The following FBXO42 variants were observed in gnomAD, a reference collection of about 807,000 sequenced individuals.
FBXO42 encodes the protein F-box protein 42.
A neutral mutation model predicts 71.7 loss-of-function variants in FBXO42; 12 were observed. The ratio of observed to expected loss-of-function variants is 0.17; its 90% CI spans 0.11 to 0.27. The LOEUF is 0.27. Ranked by LOEUF, FBXO42 falls within the 10% of genes least tolerant of loss-of-function variation. The pLI is 1.00. For missense variants in FBXO42, 707 were observed against 911.9 expected, an observed-to-expected ratio of 0.78 and a Z score of 2.89; for synonymous variants, 325 against 327.5, an observed-to-expected ratio of 0.99 and a Z score of 0.08.
chr1:16,338,662 A>G (rs1284795103), intron 1 of FBXO42, among the ~76,000 whole-genome samples: 2 of 152,118 alleles, frequency 1.3e-5, no homozygotes, highest in Admixed American at 1.3e-4. Context: ...AAAGTACTTT[A>G]CAATCCCACA....
At position 16,284,113 on chromosome 1, in the gene FBXO42, T is replaced by C. The variant is rs76658752; in HGVS notation, c.502+10670A>G. ...TGGGAATTGAACAAAGGCTAAGTCA[T>C]ACAAATCTGATTAAGAATTAAGGTG... On this transcript the variant is annotated intron_variant, in intron 4 of 9. Transcript: ENST00000375592. Among the ~76,000 whole-genome samples the C allele has an allele frequency of 6.0e-3, 912 of 152,322 alleles. 7 individuals are homozygous for C. The highest frequency in any genetic ancestry group is 0.021 in the African/African-American group (874 of 41,574).
At chr1:16,270,779 CACACACACACACAT>C (rs1442113986) in intron 4 of FBXO42, among the ~76,000 whole-genome samples, 14 of 147,852 alleles carry the variant, frequency 9.5e-5, no homozygotes, top group African/African-American at 3.3e-4. Flanking sequence ...CACACACACA[CACACACACACACAT>C]ATAAAATTCC....
chr1:16,333,653 A>G (rs568793899), intron 1 of FBXO42, among the ~76,000 whole-genome samples: 3 of 152,316 alleles, frequency 2.0e-5, no homozygotes, highest in Non-Finnish European at 4.4e-5. Flanking sequence ...GGCTTCCAAT[A>G]AAGTCAAGAC....
chr1:16,337,281 T>C (rs1204092143), intron 1 of FBXO42, among the ~76,000 whole-genome samples: 1 of 152,130 alleles, frequency 6.6e-6, no homozygotes, highest in South Asian at 2.1e-4. Flanking sequence ...TTTGGGGACC[T>C]TGAGTATCAA....
intron 4 of FBXO42, among the ~76,000 whole-genome samples, chr1:16,281,992 G>C (rs1207698293): frequency 6.6e-6 from 1 of 151,996 alleles, no homozygotes; most frequent in Non-Finnish European, 1.5e-5. Context: ...GAGCCACCAT[G>C]CCTGGCCAAA....
At chr1:16,296,049 A>G (rs1490735955) in intron 3 of FBXO42, among the ~76,000 whole-genome samples, 3 of 152,218 alleles carry the variant, frequency 2.0e-5, no homozygotes, top group African/African-American at 7.2e-5. Flanking sequence ...GGCAATGACT[A>G]TCAGAAGGGC....
chr1:16,279,166 A>G (rs1438421331), intron 4 of FBXO42, among the ~76,000 whole-genome samples: 1 of 152,208 alleles, frequency 6.6e-6, no homozygotes, highest in Non-Finnish European at 1.5e-5. Flanking sequence ...GACATGTGAT[A>G]TGACCAATAC....
chr1:16,273,428 A>G (rs930195168), intron 4 of FBXO42, among the ~76,000 whole-genome samples: 1 of 152,144 alleles, frequency 6.6e-6, no homozygotes, highest in African/African-American at 2.4e-5. Context: ...GGAAATGGAG[A>G]GCTCTCTGGG....
At chr1:16,253,436 T>C (rs1308034508) in intron 7 of FBXO42, 199 bp downstream of exon 7, 1 of 600,340 alleles carries the variant, frequency 1.7e-6, no homozygotes, top group Non-Finnish European at 2.9e-6. Flanking sequence ...AGTAAATGCT[T>C]TGGGGAGGAG....
chr1:16,313,990 G>A (rs1289247785), intron 2 of FBXO42, among the ~76,000 whole-genome samples: 2 of 152,170 alleles, frequency 1.3e-5, no homozygotes, highest in African/African-American at 4.8e-5. Flanking sequence ...GTCTTGCTCT[G>A]TCGCCCAGGC....
chr1:16,348,474 G>A (rs998512833), intron 1 of FBXO42, among the ~76,000 whole-genome samples: 3 of 152,040 alleles, frequency 2.0e-5, no homozygotes, highest in African/African-American at 2.4e-5. Context: ...AAAGGTGGGC[G>A]GATCACATGG....
Position 16,324,291 on chromosome 1 carries a change from A to G in FBXO42, c.-17-8856T>C, listed in dbSNP as rs771751580. Among the ~76,000 whole-genome samples, 45 of 152,312 alleles carry G rather than the reference A, an allele frequency of 3.0e-4. No homozygotes were observed. In the Middle Eastern group the frequency reaches 0.017, roughly 58 times the overall value. ...TTAAAAACACAAAAAGAAAAAATAT[A>G]TTATGCTTAGATCCCACACAGGGTA... On this transcript the variant is annotated intron_variant, in intron 1 of 9. Coordinates refer to ENST00000375592, the MANE Select transcript of FBXO42 (RefSeq NM_018994.3).
chr1:16,346,308 A>G (rs2082653809), intron 1 of FBXO42, among the ~76,000 whole-genome samples: 1 of 152,176 alleles, frequency 6.6e-6, no homozygotes, highest in Non-Finnish European at 1.5e-5. Context: ...TAAATAGAAA[A>G]TATTCTAAGG....
Position 16,283,494 on chromosome 1 carries a change from G to GTTTTTTTTTTTTTT in FBXO42, c.502+11275_502+11288dup, listed in dbSNP as rs386366300. On this transcript the variant is annotated intron_variant, in intron 4 of 9. Coordinates refer to ENST00000375592, the MANE Select transcript of FBXO42 (RefSeq NM_018994.3). ...TTATAGACTCTTCTAACTGTGGCAAGTTTTTTTTTTTTTTTTTTTTTTTGA... is the reference window on the plus strand; with the variant it reads ...TTATAGACTCTTCTAACTGTGGCAAGTTTTTTTTTTTTTTTTTTTTTTTTTTTTTTTTTTTTTGA... Among the ~76,000 whole-genome samples, 39 of 80,978 alleles carry GTTTTTTTTTTTTTT rather than the reference G, an allele frequency of 4.8e-4. 1 individual carries two copies. The highest frequency in any genetic ancestry group is 1.2e-3 in the East Asian group (2 of 1,680). 53.1% of individuals were successfully genotyped at this position (80,978 alleles called of 152,430 possible).
chr1:16,267,249 T>C (rs1364248937), intron 4 of FBXO42, among the ~76,000 whole-genome samples: 1 of 152,186 alleles, frequency 6.6e-6, no homozygotes, highest in Non-Finnish European at 1.5e-5. Flanking sequence ...TTACAAGTCA[T>C]TGCATTTATA....
intron 1 of FBXO42, among the ~76,000 whole-genome samples, chr1:16,331,684 G>A (rs1192167722): frequency 6.6e-6 from 1 of 151,668 alleles, no homozygotes; most frequent in Non-Finnish European, 1.5e-5. Context: ...AACTAGGGAG[G>A]CGGAGGTTTC....
chr1:16,344,400 C>G (rs1297936743), intron 1 of FBXO42, among the ~76,000 whole-genome samples: 2 of 150,862 alleles, frequency 1.3e-5, no homozygotes. Context: ...CTCACTGCAA[C>G]CTCGGCCTCC....
At chr1:16,325,391 G>T (rs949244008) in intron 1 of FBXO42, among the ~76,000 whole-genome samples, 4 of 151,950 alleles carry the variant, frequency 2.6e-5, no homozygotes, top group African/African-American at 9.7e-5. Context: ...ATTATTGACA[G>T]TCTATGTTTT....
chr1:16,318,028 T>C (rs2082383486), intron 1 of FBXO42, among the ~76,000 whole-genome samples: 1 of 152,192 alleles, frequency 6.6e-6, no homozygotes, highest in Admixed American at 6.6e-5. Flanking sequence ...TCTGAGGTAC[T>C]AGTAAAGTTC....
Sources: allele counts gnomAD v4.1 joint callset (sites outside exome capture counted in the v4.1 genomes callset), GRCh38; gene constraint gnomAD v4.1.1; transcripts MANE v1.5; gene names NCBI Gene and HGNC (gene_info 2026-07-23, HGNC 2026-07-21).